Variants in DNAJC13 observed in about 807,000 individuals in gnomAD.
DNAJC13 encodes dnaJ homolog subfamily C member 13.
DNAJC13 carries 75 observed loss-of-function variants against 290.5 expected under a neutral mutation model. That is an observed-to-expected ratio of 0.26 (90% CI 0.21 to 0.31). DNAJC13 has a LOEUF of 0.31. Ranked by LOEUF, DNAJC13 falls within the 10% of genes least tolerant of loss-of-function variation. The pLI is 1.00. For missense variants in DNAJC13, 2,260 were observed against 2,674.5 expected (o/e 0.85, Z 3.42); for synonymous variants, 862 against 892.0 (o/e 0.97, Z 0.60).
At chr3:132,466,155 T>G in intron 18 of DNAJC13, 85 bp downstream of exon 18, 1 of 1,419,970 alleles carries the variant, frequency 7.0e-7, no homozygotes, top group Non-Finnish European at 9.9e-7. Context: ...GGGGATGGTT[T>G]GTTTTTTATT....
At chr3:132,485,625 T>C (rs2107701420) in intron 29 of DNAJC13, among the ~76,000 whole-genome samples, 1 of 152,338 alleles carries the variant, frequency 6.6e-6, no homozygotes, top group East Asian at 1.9e-4. Flanking sequence ...TTAAGACTAC[T>C]GGGAGGTACA....
rs1559885306 is a variant in DNAJC13, at chr3:132,473,128, G to GT, written c.2209-10dup. On this transcript the variant is annotated splice_polypyrimidine_tract_variant and intron_variant, in intron 20 of 55. Coordinates refer to ENST00000260818, the MANE Select transcript of DNAJC13 (RefSeq NM_015268.4). ...GTAGCCCCAGATTGAGCACTATGAA[G>GT]TTTTTTTCTGTTCCAGAATATAAAT... 11 of 1,592,668 alleles carry GT rather than the reference G, an allele frequency of 6.9e-6. No individual in the cohort carries two copies. Among genetic ancestry groups the GT allele is most frequent in the South Asian group, 2.3e-5 (2 of 88,368 alleles).
Position 132,523,552 on chromosome 3 carries a change from T to G in DNAJC13, c.5899T>G (p.Phe1967Val). 1 of 1,611,390 alleles carries G rather than the reference T, an allele frequency of 6.2e-7. No individual in the cohort carries two copies. The highest frequency in any genetic ancestry group is 8.5e-7 in the Non-Finnish European group (1 of 1,179,344). ...PEANWKLPED[F>V]AVVFGEAEGE... ...TCTCTATTTAAAGTTGCCTGAAGATTTTGCTGTGGTGTTTGGAGAAGCAGA... is the reference window on the plus strand; with the variant it reads ...TCTCTATTTAAAGTTGCCTGAAGATGTTGCTGTGGTGTTTGGAGAAGCAGA... Residue 1967 changes from phenylalanine to valine, a missense_variant, in exon 51 of 56, where the codon TTT (phenylalanine) becomes GTT (valine). Transcript: ENST00000260818.
intron 26 of DNAJC13, among the ~76,000 whole-genome samples, 200 bp from the exon 27 acceptor site, chr3:132,482,026 A>T (rs1299789305): frequency 6.6e-6 from 1 of 152,226 alleles, no homozygotes; most frequent in East Asian, 1.9e-4. Flanking sequence ...TATATTAATA[A>T]GGAAATAGTT....
At chr3:132,523,419 T>C in intron 50 of DNAJC13, 121 bp from the exon 51 acceptor site, 1 of 1,287,482 alleles carries the variant, frequency 7.8e-7, no homozygotes, top group Non-Finnish European at 1.1e-6. Flanking sequence ...AAACTCATAA[T>C]TTGATTATAT....
chr3:132,533,918 A>G (rs1346623108), intron 55 of DNAJC13, among the ~76,000 whole-genome samples: 2 of 152,150 alleles, frequency 1.3e-5, no homozygotes, highest in African/African-American at 4.8e-5. Flanking sequence ...CACATGCTTT[A>G]GTAACTATAG....
At chr3:132,511,520 C>T (rs904075917) in intron 44 of DNAJC13, among the ~76,000 whole-genome samples, 3 of 152,116 alleles carry the variant, frequency 2.0e-5, no homozygotes, top group Non-Finnish European at 2.9e-5. Context: ...TAAAATTTCA[C>T]ATTGATGTCT....
At chr3:132,456,439 T>C in intron 10 of DNAJC13, 38 bp downstream of exon 10, 1 of 1,610,098 alleles carries the variant, frequency 6.2e-7, no homozygotes, top group Non-Finnish European at 8.5e-7. Flanking sequence ...TTTCCACTCA[T>C]CTACTTAATT....
chr3:132,523,796 G>T, intron 51 of DNAJC13, 83 bp downstream of exon 51: 1 of 1,376,636 alleles, frequency 7.3e-7, no homozygotes, highest in Non-Finnish European at 9.8e-7. Context: ...TATTCACAAA[G>T]ACCATGAATT....
At chr3:132,491,126 G>T in intron 32 of DNAJC13, 75 bp downstream of exon 32, 3 of 1,255,600 alleles carry the variant, frequency 2.4e-6, no homozygotes. Context: ...TTTGACTTCT[G>T]TTAAAAGAAA....
chr3:132,421,921 C>T (rs980601741), intron 1 of DNAJC13, among the ~76,000 whole-genome samples: 1 of 152,152 alleles, frequency 6.6e-6, no homozygotes, highest in Non-Finnish European at 1.5e-5. Context: ...GCAAAATGTA[C>T]TTGGTGAGTT....
intron 44 of DNAJC13, 146 bp from the exon 45 acceptor site, chr3:132,512,862 T>A (rs1935818860): frequency 1.5e-6 from 1 of 657,236 alleles, no homozygotes; most frequent in Non-Finnish European, 2.6e-6. Flanking sequence ...TCCTTAGAGG[T>A]CCTCCACTTA....
chr3:132,464,443 T>C (rs1293620303), intron 17 of DNAJC13, among the ~76,000 whole-genome samples: 1 of 152,200 alleles, frequency 6.6e-6, no homozygotes, highest in Non-Finnish European at 1.5e-5. Flanking sequence ...ATATTATGAC[T>C]CATATTAGTA....
chr3:132,448,504 C>G (rs1381450089), intron 5 of DNAJC13, among the ~76,000 whole-genome samples: 3 of 152,112 alleles, frequency 2.0e-5, no homozygotes, highest in Admixed American at 2.0e-4. Flanking sequence ...TAAACTAAAT[C>G]AGAGACTTCT....
chr3:132,422,362 G>T (rs1468949796), intron 1 of DNAJC13, among the ~76,000 whole-genome samples: 1 of 152,076 alleles, frequency 6.6e-6, no homozygotes, highest in Non-Finnish European at 1.5e-5. Flanking sequence ...AAGTCGTATG[G>T]TGTGGATGGT....
intron 1 of DNAJC13, among the ~76,000 whole-genome samples, chr3:132,417,968 C>T (rs1938841399): frequency 6.6e-6 from 1 of 152,172 alleles, no homozygotes; most frequent in Non-Finnish European, 1.5e-5. Context: ...GACATTAGCT[C>T]AGGGCGCTGC....
At chr3:132,532,739 T>C (rs1419268623) in intron 55 of DNAJC13, among the ~76,000 whole-genome samples, 1 of 151,808 alleles carries the variant, frequency 6.6e-6, no homozygotes, top group Non-Finnish European at 1.5e-5. Context: ...CTTATTTTTA[T>C]TTTATTATTT....
intron 22 of DNAJC13, among the ~76,000 whole-genome samples, chr3:132,475,967 T>C (rs1934458428): frequency 6.6e-6 from 1 of 152,200 alleles, no homozygotes; most frequent in Non-Finnish European, 1.5e-5. Context: ...ACGACCTTGC[T>C]TTATTGCATA....
rs959636187 is a variant in DNAJC13 at position 132,502,205 on chromosome 3, A to G, written c.4537-84A>G. 1.7e-5 allele frequency: 21 copies of G among 1,249,424 alleles called. No homozygotes were observed. In the African/African-American group the frequency reaches 2.8e-4, roughly 16 times the overall value. The allele number at this position is 1,249,424 out of a possible 1,614,324, so 77.4% of individuals were successfully genotyped here. ...CAAAATAACGTGGTTGGCTTGACATACATGCACAACCAGTTCCTCTTGGGA... is the reference window on the plus strand; with the variant it reads ...CAAAATAACGTGGTTGGCTTGACATGCATGCACAACCAGTTCCTCTTGGGA... On this transcript the variant is annotated intron_variant, in intron 39 of 55. Coordinates refer to ENST00000260818, the MANE Select transcript of DNAJC13 (RefSeq NM_015268.4).
Sources: allele counts gnomAD v4.1 joint callset (sites outside exome capture counted in the v4.1 genomes callset), GRCh38; gene constraint gnomAD v4.1.1; transcripts MANE v1.5; gene names NCBI Gene and HGNC (gene_info 2026-07-23, HGNC 2026-07-21).